IGSF10: variants seen among roughly 807,000 people sequenced by gnomAD.
IGSF10 encodes calvaria mechanical force protein 608.
Under a neutral mutation model 128.2 loss-of-function variants are expected in IGSF10, and 126 were observed. The ratio of observed to expected loss-of-function variants is 0.98; its 90% CI spans 0.85 to 1.14. The LOEUF is 1.14. Ranked by LOEUF, IGSF10 falls within the 50% of genes most tolerant of loss-of-function variation. The probability of loss-of-function intolerance (pLI) is 0.00; values close to 1 mark genes in which losing one functional copy is unlikely to be tolerated. For missense variants in IGSF10, 3,295 were observed against 3,149.8 expected (o/e 1.05, Z -1.10); for synonymous variants, 1,185 against 1,146.2 (o/e 1.03, Z -0.68).
At chr3:151,586,863 G>A in the IGSF10 span, among the ~76,000 whole-genome samples, 1 of 152,066 alleles carries the variant, frequency 6.6e-6, no homozygotes. Context: ...ATAAGAAAAT[G>A]GAGAGGGGGG....
downstream of IGSF10, chr3:151,434,987 CATTAT>C (rs1719941797): frequency 1.4e-5 from 2 of 147,956 alleles, no homozygotes; most frequent in Admixed American, 6.9e-5. Flanking sequence ...TACCCCTGCG[CATTAT>C]AAAGAAAATA....
At chr3:151,598,355 T>C in the IGSF10 span, among the ~76,000 whole-genome samples, 1 of 151,728 alleles carries the variant, frequency 6.6e-6, no homozygotes, top group Non-Finnish European at 1.5e-5. Flanking sequence ...AGTCTAAGCA[T>C]CTCAGACAAA....
At chr3:151,528,337 A>G in the IGSF10 span, among the ~76,000 whole-genome samples, 2 of 152,100 alleles carry the variant, frequency 1.3e-5, no homozygotes, top group Non-Finnish European at 1.5e-5. Flanking sequence ...TAAAGCTCAT[A>G]TAATTTATAA....
chr3:151,462,775 A>G (rs1218496841), upstream of IGSF10, among the ~76,000 whole-genome samples: 1 of 142,368 alleles, frequency 7.0e-6, no homozygotes, highest in Non-Finnish European at 1.5e-5. Flanking sequence ...TCAGAGACTC[A>G]GAGTTAGAAG....
intron 7 of IGSF10, 102 bp downstream of exon 7, chr3:151,442,882 T>C (rs1720941829): frequency 9.7e-7 from 1 of 1,028,284 alleles, no homozygotes; most frequent in African/African-American, 1.6e-5. Flanking sequence ...CTATGTGTAC[T>C]CTAAAACTGC....
the IGSF10 span, among the ~76,000 whole-genome samples, chr3:151,554,243 A>T: frequency 6.6e-6 from 1 of 152,066 alleles, no homozygotes; most frequent in African/African-American, 2.4e-5. Context: ...TTTCCCTTAA[A>T]TTCCAAAGAT....
Position 151,437,999 on chromosome 3 carries a change from C to T in IGSF10, c.6562G>A (p.Asp2188Asn). The T allele has an allele frequency of 6.2e-7, 1 of 1,614,154 alleles. No individual in the cohort carries two copies. Among genetic ancestry groups the T allele is most frequent in the South Asian group, 1.1e-5 (1 of 91,076 alleles). The change falls in exon 8 of 8, where the codon GAT (aspartate) becomes AAT (asparagine). Residue 2188 changes from aspartate to asparagine, a missense_variant. Transcript: ENST00000282466. Reference protein sequence around the residue: ...PSNDMISFSIDRYTFHANGSL... With the variant: ...PSNDMISFSINRYTFHANGSL... ...CCATTGGCATGAAATGTGTACCTAT[C>T]AATGGAGAAGGAAATCATGTCATTG...
chr3:151,509,778 A>G, the IGSF10 span, among the ~76,000 whole-genome samples: 25 of 152,194 alleles, frequency 1.6e-4, no homozygotes, highest in Admixed American at 6.5e-5. Context: ...CTCCCACCCT[A>G]ATACTGCACT....
the IGSF10 span, among the ~76,000 whole-genome samples, chr3:151,603,021 C>G: frequency 3.8e-3 from 580 of 152,266 alleles, 5 homozygotes; most frequent in African/African-American, 0.013. Context: ...TATTTCATAT[C>G]TTTTTTAAAA....
chr3:151,481,533 A>C, the IGSF10 span, among the ~76,000 whole-genome samples: 1 of 152,164 alleles, frequency 6.6e-6, no homozygotes, highest in African/African-American at 2.4e-5. Flanking sequence ...AATCACAGCT[A>C]TATCTCAGGA....
chr3:151,592,537 G>A, the IGSF10 span, among the ~76,000 whole-genome samples: 11 of 152,044 alleles, frequency 7.2e-5, no homozygotes, highest in African/African-American at 2.4e-4. Flanking sequence ...TGCAGTCAAG[G>A]GACCCTGAGT....
chr3:151,471,173 G>C, the IGSF10 span, among the ~76,000 whole-genome samples: 15 of 152,272 alleles, frequency 9.9e-5, no homozygotes, highest in African/African-American at 3.1e-4. Context: ...TCCTGCACAT[G>C]CTCTCGTCTG....
At chr3:151,522,759 C>T in the IGSF10 span, among the ~76,000 whole-genome samples, 6 of 152,220 alleles carry the variant, frequency 3.9e-5, no homozygotes, top group Non-Finnish European at 7.4e-5. Flanking sequence ...TTGAAGCATT[C>T]CCCTTGAAAA....
Position 151,437,518 on chromosome 3 carries a change from A to G in IGSF10, c.7043T>C (p.Val2348Ala). 6.2e-7 allele frequency: 1 copy of G among 1,614,190 alleles called. No individual in the cohort carries two copies. The highest frequency in any genetic ancestry group is 8.5e-7 in the Non-Finnish European group (1 of 1,180,038). ...TGCTGTGGACTTTCCCAGCTGGGCA[A>G]CTATTTTTTCATTAAATGGATTTCT... The part of the protein sequence containing the change: ...TFRNPFNEKI[V>A]AQLGKSTALN... The change falls in exon 8 of 8, where the codon GTT becomes GCT. Residue 2348 changes from valine (V) to alanine (A), a missense_variant. Transcript: ENST00000282466.
chr3:151,576,715 G>A, the IGSF10 span, among the ~76,000 whole-genome samples: 1 of 152,120 alleles, frequency 6.6e-6, no homozygotes, highest in Non-Finnish European at 1.5e-5. Flanking sequence ...CATACTAAAG[G>A]AAATTGCCAC....
At chr3:151,580,914 T>C in the IGSF10 span, among the ~76,000 whole-genome samples, 20 of 152,120 alleles carry the variant, frequency 1.3e-4, no homozygotes, top group African/African-American at 4.6e-4. Context: ...TTTCTTCTCA[T>C]GACACCCAAA....
At chr3:151,496,052 A>C in the IGSF10 span, among the ~76,000 whole-genome samples, 1 of 152,232 alleles carries the variant, frequency 6.6e-6, no homozygotes. Flanking sequence ...GAAAAAACTT[A>C]TGAAACACGT....
chr3:151,506,277 T>C, the IGSF10 span, among the ~76,000 whole-genome samples: 278 of 152,220 alleles, frequency 1.8e-3, 1 homozygote, highest in African/African-American at 6.2e-3. Context: ...TTTCCAGATC[T>C]ATCCATGCTG....
the IGSF10 span, among the ~76,000 whole-genome samples, chr3:151,607,929 A>G: frequency 2.0e-5 from 3 of 150,352 alleles, no homozygotes; most frequent in African/African-American, 7.3e-5. Flanking sequence ...AAAAAAAAAA[A>G]AAAAAAAAGA....
Sources: allele counts gnomAD v4.1 joint callset (sites outside exome capture counted in the v4.1 genomes callset), GRCh38; gene constraint gnomAD v4.1.1; transcripts MANE v1.5; gene names NCBI Gene and HGNC (gene_info 2026-07-23, HGNC 2026-07-21).